The following GRIA4 variants were observed in gnomAD, a reference collection of about 807,000 sequenced individuals.
GRIA4 encodes glutamate ionotropic receptor AMPA type subunit 4, also known as glutamate receptor 4.
A neutral mutation model predicts 104.0 loss-of-function variants in GRIA4; 34 were observed. The observed-to-expected ratio is 0.33, with a 90% CI of 0.25 to 0.44. The LOEUF (loss-of-function observed/expected upper bound fraction) is 0.44, where lower values mean the gene tolerates loss of function less well. Ranked by LOEUF, GRIA4 falls within the 20% of genes least tolerant of loss-of-function variation. The pLI, the probability that GRIA4 is intolerant of heterozygous loss-of-function variation, is 1.00. For missense variants in GRIA4, 750 were observed against 1,096.5 expected, an observed-to-expected ratio of 0.68 and a Z score of 4.46; for synonymous variants, 386 against 381.9, an observed-to-expected ratio of 1.01 and a Z score of -0.13.
At chr11:105,652,709 C>A (rs980611482) in intron 3 of GRIA4, among the ~76,000 whole-genome samples, 2 of 152,004 alleles carry the variant, frequency 1.3e-5, no homozygotes, top group African/African-American at 4.8e-5. Flanking sequence ...GTTAATCAAT[C>A]AATTATGCTA....
chr11:105,742,594 A>G (rs924233320), intron 3 of GRIA4, among the ~76,000 whole-genome samples: 1 of 125,362 alleles, frequency 8.0e-6, no homozygotes, highest in African/African-American at 2.8e-5. Flanking sequence ...AAGTGTGAGT[A>G]TATATATATA....
intron 4 of GRIA4, among the ~76,000 whole-genome samples, chr11:105,817,752 C>T (rs142844984): frequency 1.3e-5 from 2 of 152,082 alleles, no homozygotes; most frequent in East Asian, 3.9e-4. Context: ...CCTACTTGTG[C>T]CTTCTAATTA....
intron 3 of GRIA4, among the ~76,000 whole-genome samples, chr11:105,684,184 T>C (rs1253563444): frequency 1.3e-5 from 2 of 152,044 alleles, no homozygotes; most frequent in African/African-American, 2.4e-5. Context: ...AAATGCATAT[T>C]CTTAAATTGA....
chr11:105,922,529 G>A (rs1477037297), intron 11 of GRIA4, among the ~76,000 whole-genome samples: 6 of 152,076 alleles, frequency 3.9e-5, no homozygotes, highest in Non-Finnish European at 8.8e-5. Context: ...TGTAAAGCTG[G>A]AAACAATATG....
chr11:105,710,575 T>C (rs529277882), intron 3 of GRIA4, among the ~76,000 whole-genome samples: 9 of 152,154 alleles, frequency 5.9e-5, no homozygotes, highest in Non-Finnish European at 1.2e-4. Flanking sequence ...TGTTTGAAGT[T>C]TGGTAGATTT....
At chr11:105,752,901 T>A (rs1940087141) in intron 3 of GRIA4, 80 bp from the exon 4 acceptor site, 4 of 1,341,498 alleles carry the variant, frequency 3.0e-6, no homozygotes, top group Non-Finnish European at 4.2e-6. Context: ...TTTATTTTTT[T>A]AATTTTCTAG....
chr11:105,882,846 T>C (rs552226132), intron 5 of GRIA4, among the ~76,000 whole-genome samples: 2 of 152,194 alleles, frequency 1.3e-5, no homozygotes, highest in Non-Finnish European at 2.9e-5. Context: ...GAAGTCAATA[T>C]GGAAAAGTGT....
rs76045037 is a variant in GRIA4 at position 105,651,472 on chromosome 11, T to C, written c.247+39038T>C. 1.9e-3 allele frequency among the ~76,000 whole-genome samples: 286 copies of C among 152,272 alleles called. 1 individual carries two copies. The highest frequency in any genetic ancestry group is 6.7e-3 in the African/African-American group (278 of 41,578). On this transcript the variant is annotated intron_variant, in intron 3 of 16. Coordinates refer to ENST00000282499, the MANE Select transcript of GRIA4 (RefSeq NM_000829.4). ...CGGACACGGGAATCTCTCTCCTCTC[T>C]CATTTTTTAGAGAAAACTTTTCCAG...
At chr11:105,684,546 C>CATATATATATATATATATACAT (rs72399419) in intron 3 of GRIA4, among the ~76,000 whole-genome samples, 1 of 144,996 alleles carries the variant, frequency 6.9e-6, no homozygotes, top group Admixed American at 7.0e-5. Context: ...TATATATATA[C>CATATATATATATATATATACAT]ATATATATAT....
At chr11:105,776,042 C>T (rs1045606909) in intron 4 of GRIA4, among the ~76,000 whole-genome samples, 1 of 151,858 alleles carries the variant, frequency 6.6e-6, no homozygotes, top group Non-Finnish European at 1.5e-5. Flanking sequence ...ATTGAATACT[C>T]CAGCATATGC....
intron 4 of GRIA4, among the ~76,000 whole-genome samples, chr11:105,783,828 G>A (rs748571499): frequency 2.0e-5 from 3 of 151,572 alleles, no homozygotes; most frequent in Non-Finnish European, 4.4e-5. Flanking sequence ...TCATAATTGA[G>A]GCTGAAAGTT....
At chr11:105,724,979 G>T (rs933206785) in intron 3 of GRIA4, among the ~76,000 whole-genome samples, 2 of 152,080 alleles carry the variant, frequency 1.3e-5, no homozygotes, top group African/African-American at 2.4e-5. Context: ...ATCAATGTTT[G>T]CATTTGAATC....
At chr11:105,719,699 C>A (rs964980515) in intron 3 of GRIA4, among the ~76,000 whole-genome samples, 2 of 151,668 alleles carry the variant, frequency 1.3e-5, no homozygotes, top group Admixed American at 6.6e-5. Context: ...TAAGTACATA[C>A]TATAAAGGTG....
chr11:105,823,291 C>T (rs989634468), intron 4 of GRIA4, among the ~76,000 whole-genome samples: 11 of 152,154 alleles, frequency 7.2e-5, no homozygotes, highest in South Asian at 2.1e-4. Flanking sequence ...ATTTACAGAC[C>T]GAAGAGGTGG....
At position 105,798,041 on chromosome 11, in the gene GRIA4, C is replaced by T. The variant is rs1191964313; in HGVS notation, c.487+44821C>T. ...CCTAGATTCAGCAATAATAACACTA[C>T]TAAAATCAATAACAATATGCATATA... is the stretch of plus-strand genomic sequence containing the variant. On this transcript the variant is annotated intron_variant, in intron 4 of 16. Transcript: ENST00000282499. 4 of 319,186 alleles carry T rather than the reference C, an allele frequency of 1.3e-5. No homozygotes were observed. In the East Asian group the frequency reaches 2.5e-4, roughly 20 times the overall value. The allele number at this position is 319,186 out of a possible 1,614,324, so 19.8% of individuals were successfully genotyped here.
chr11:105,738,660 C>T (rs769772958), intron 3 of GRIA4, among the ~76,000 whole-genome samples: 1 of 152,120 alleles, frequency 6.6e-6, no homozygotes, highest in African/African-American at 2.4e-5. Context: ...TTCAGGAAGA[C>T]AGCTGTGTCT....
chr11:105,967,321 A>G (rs890341750), intron 14 of GRIA4, among the ~76,000 whole-genome samples: 1 of 152,186 alleles, frequency 6.6e-6, no homozygotes, highest in Non-Finnish European at 1.5e-5. Flanking sequence ...AGAAACATAT[A>G]TATGTTAGAA....
intron 3 of GRIA4, among the ~76,000 whole-genome samples, chr11:105,693,585 T>C (rs17477621): frequency 0.031 from 4,786 of 152,306 alleles, 92 homozygotes; most frequent in East Asian, 0.051. Flanking sequence ...GCAGTTCTTT[T>C]TAGCATGTTA....
Position 105,640,846 on chromosome 11 carries a change from G to A in GRIA4, c.247+28412G>A, listed in dbSNP as rs996130317. Reference sequence around the variant, plus strand: ...ATAGCTAATTATTTTCATTTTGTTTGGCTCTCTTTTTAATATGTTTCTCAA... The same window carrying A: ...ATAGCTAATTATTTTCATTTTGTTTAGCTCTCTTTTTAATATGTTTCTCAA... On this transcript the variant is annotated intron_variant, in intron 3 of 16. Transcript: ENST00000282499. Among the ~76,000 whole-genome samples the A allele has an allele frequency of 3.9e-4, 59 of 151,642 alleles. 1 individual carries two copies. The highest frequency in any genetic ancestry group is 8.8e-5 in the Non-Finnish European group (6 of 67,808).
Sources: gnomAD v4.1 joint callset for allele counts (sites outside exome capture counted in the v4.1 genomes callset) on GRCh38, gnomAD v4.1.1 for gene constraint, MANE v1.5 for transcripts, NCBI Gene and HGNC (gene_info 2026-07-23, HGNC 2026-07-21) for gene names.